Variants in SEMA3D observed in about 807,000 individuals in gnomAD.
SEMA3D encodes semaphorin-3D.
In SEMA3D, 84 loss-of-function variants were observed where a neutral mutation model predicts 100.1. The observed-to-expected ratio is 0.84, with a 90% CI of 0.70 to 1.01. The LOEUF is 1.01. Among genes scored for constraint, SEMA3D ranks in the 50% least tolerant of loss-of-function variants. The probability of loss-of-function intolerance (pLI) is 0.00; values close to 1 mark genes in which losing one functional copy is unlikely to be tolerated. For missense variants in SEMA3D, 875 were observed against 934.1 expected (o/e 0.94, Z 0.82); for synonymous variants, 312 against 320.7 (o/e 0.97, Z 0.29).
intron 6 of SEMA3D, 120 bp downstream of exon 6, chr7:85,072,842 T>G: frequency 1.3e-6 from 1 of 778,556 alleles, no homozygotes; most frequent in South Asian, 2.0e-5. Context: ...GGCAGGCACC[T>G]CCATGCCTGG....
At chr7:85,068,125 G>T (rs569032335) in intron 7 of SEMA3D, 66 bp downstream of exon 7, 3 of 898,918 alleles carry the variant, frequency 3.3e-6, no homozygotes, top group African/African-American at 1.7e-5. Context: ...AGGAAAATGC[G>T]GTTCAGTCAA....
intron 17 of SEMA3D, among the ~76,000 whole-genome samples, chr7:85,009,912 T>C (rs1485025688): frequency 1.3e-5 from 2 of 151,672 alleles, no homozygotes; most frequent in African/African-American, 4.8e-5. Flanking sequence ...TCTAGAAATT[T>C]ACATTCTAGT....
chr7:85,110,173 A>G (rs1283452510), intron 3 of SEMA3D, among the ~76,000 whole-genome samples: 2 of 151,938 alleles, frequency 1.3e-5, no homozygotes, highest in Non-Finnish European at 2.9e-5. Flanking sequence ...AGTGCATCAT[A>G]TATTACCTTA....
At chr7:85,129,679 T>C (rs1477721085) in intron 2 of SEMA3D, among the ~76,000 whole-genome samples, 2 of 152,174 alleles carry the variant, frequency 1.3e-5, no homozygotes, top group African/African-American at 4.8e-5. Flanking sequence ...AGGTTGTAAC[T>C]ACTGGAAAGC....
chr7:85,126,148 T>TTA (rs1241690787), intron 2 of SEMA3D, among the ~76,000 whole-genome samples: 2 of 152,078 alleles, frequency 1.3e-5, no homozygotes, highest in Admixed American at 6.6e-5. Flanking sequence ...AGTCCAGAAC[T>TTA]TACTAGATGG....
intron 4 of SEMA3D, among the ~76,000 whole-genome samples, chr7:85,097,156 C>T (rs774010151): frequency 5.3e-5 from 8 of 151,736 alleles, no homozygotes; most frequent in Non-Finnish European, 1.2e-4. Context: ...CCCTTTCCTC[C>T]GGGTTTCACA....
At position 85,097,809 on chromosome 7, in the gene SEMA3D, T is replaced by C; in HGVS notation, c.308A>G (p.Lys103Arg). ...LSLVDLNKNF[K>R]KIYWPAAKER... ...TGTATATATAAATATACTGACCTTC[T>C]TAAAATTTTTGTTTAAGTCAACCAG... Residue 103 changes from lysine (K) to arginine (R), a missense_variant, in exon 4 of 19, where the codon AAG (lysine) becomes AGG (arginine). By Grantham distance (26) the Lys-to-Arg change is conservative. Coordinates refer to ENST00000284136, the MANE Select transcript of SEMA3D (RefSeq NM_001384900.1). 6.3e-7 allele frequency: 1 copy of C among 1,579,242 alleles called. No homozygotes were observed. The highest frequency in any genetic ancestry group is 8.7e-7 in the Non-Finnish European group (1 of 1,154,522).
In SEMA3D at chr7:85,115,910, C is replaced by T. The variant is rs141855251; in HGVS notation, c.151+5831G>A. Among the ~76,000 whole-genome samples, 93 of 152,222 alleles carry T rather than the reference C, an allele frequency of 6.1e-4. 1 individual carries two copies. The highest frequency in any genetic ancestry group is 2.9e-3 in the Admixed American group (44 of 15,272). On this transcript the variant is annotated intron_variant, in intron 3 of 18. Transcript: ENST00000284136. The stretch of plus-strand genomic sequence containing the variant: ...AGAAACTACCAAAAAAATTTTCCAA[C>T]TTAACTCTTGCATTAGCAATGTTTC...
chr7:85,031,820 T>C (rs1427628568), intron 12 of SEMA3D, among the ~76,000 whole-genome samples: 1 of 151,982 alleles, frequency 6.6e-6, no homozygotes, highest in African/African-American at 2.4e-5. Flanking sequence ...CAAAATATTC[T>C]GGATATTTAG....
At chr7:85,151,805 T>G (rs1194765719) in intron 2 of SEMA3D, 9 of 774,304 alleles carry the variant, frequency 1.2e-5, no homozygotes, top group Non-Finnish European at 1.4e-5. Context: ...TAAATTCCTA[T>G]TTTAAAATTC....
chr7:85,080,078 A>G (rs1313031513), intron 5 of SEMA3D, among the ~76,000 whole-genome samples: 1 of 152,238 alleles, frequency 6.6e-6, no homozygotes, highest in African/African-American at 2.4e-5. Context: ...TATTTCCGCT[A>G]ATATAAATAT....
upstream of SEMA3D, among the ~76,000 whole-genome samples, chr7:85,188,687 T>C (rs1791628128): frequency 6.6e-6 from 1 of 152,220 alleles, no homozygotes; most frequent in Admixed American, 6.5e-5. Context: ...GGCCAGAATT[T>C]TGTGTTTAAC....
chr7:85,180,157 G>A (rs901932205), intron 1 of SEMA3D, among the ~76,000 whole-genome samples: 8 of 152,218 alleles, frequency 5.3e-5, no homozygotes, highest in African/African-American at 1.7e-4. Flanking sequence ...TGTGTTGGGA[G>A]AGGGACCTCA....
chr7:85,166,790 C>A (rs1790919025), intron 1 of SEMA3D, among the ~76,000 whole-genome samples: 1 of 151,674 alleles, frequency 6.6e-6, no homozygotes, highest in Admixed American at 6.6e-5. Context: ...AAAAGAGGTT[C>A]AGTGAGTCGG....
chr7:85,215,746 C>T, the SEMA3D span, among the ~76,000 whole-genome samples: 5 of 152,172 alleles, frequency 3.3e-5, no homozygotes, highest in Admixed American at 3.3e-4. Context: ...ATATATATTA[C>T]ACTTTTTATG....
chr7:85,135,343 C>T (rs1484922667), intron 2 of SEMA3D, among the ~76,000 whole-genome samples: 2 of 152,010 alleles, frequency 1.3e-5, no homozygotes, highest in African/African-American at 2.4e-5. Context: ...ATGGTTTGCA[C>T]ATGAATCATG....
At chr7:85,055,675 T>C (rs1340701382) in intron 9 of SEMA3D, 42 bp downstream of exon 9, 2 of 209,400 alleles carry the variant, frequency 9.6e-6, no homozygotes, top group African/African-American at 2.8e-5. Context: ...TATATATATA[T>C]ATATATATAT....
the SEMA3D span, among the ~76,000 whole-genome samples, chr7:85,222,708 C>T: frequency 1.3e-5 from 2 of 152,100 alleles, no homozygotes; most frequent in South Asian, 2.1e-4. Flanking sequence ...AGATACTATA[C>T]TGTACTAGGA....
chr7:85,066,890 G>GCACACACACACACACACACACA (rs1265828830), intron 7 of SEMA3D, among the ~76,000 whole-genome samples: 48 of 100,616 alleles, frequency 4.8e-4, no homozygotes, highest in African/African-American at 3.9e-3. Flanking sequence ...GGAAATGTGC[G>GCACACACACACACACACACACA]CTCACACACA....
Sources: allele counts gnomAD v4.1 joint callset (sites outside exome capture counted in the v4.1 genomes callset), GRCh38; gene constraint gnomAD v4.1.1; transcripts MANE v1.5; gene names NCBI Gene and HGNC (gene_info 2026-07-23, HGNC 2026-07-21).